The following GHRHR variants were observed in gnomAD, a reference collection of about 807,000 sequenced individuals.
The protein encoded by GHRHR is growth hormone releasing hormone receptor, also known as growth hormone-releasing hormone receptor.
Under a neutral mutation model 58.3 loss-of-function variants are expected in GHRHR, and 40 were observed. The ratio of observed to expected loss-of-function variants is 0.69; its 90% confidence interval spans 0.53 to 0.89. GHRHR has a LOEUF of 0.89. Ranked by LOEUF, GHRHR falls within the 40% of genes least tolerant of loss-of-function variation. The pLI is 0.00. For missense variants in GHRHR, 551 were observed against 541.3 expected, an observed-to-expected ratio of 1.02 and a Z score of -0.18; for synonymous variants, 249 against 216.6, an observed-to-expected ratio of 1.15 and a Z score of -1.31.
rs1480485095 is a variant in GHRHR, at chr7:30,977,286, C to T, written c.1110C>T (p.Phe370=). The T allele has an allele frequency of 6.2e-7, 1 of 1,614,084 alleles. No homozygotes were observed. ...LELGLGSFQG[F]IVAILYCFLN... ...TTTCTTCTTTGGACCCACAGGGCTT[C>T]ATTGTTGCCATCCTCTACTGCTTCC... Residue 370 remains phenylalanine (F), a synonymous_variant, in exon 12 of 13, where the codon TTC becomes TTT. Coordinates refer to ENST00000326139, the MANE Select transcript of GHRHR (RefSeq NM_000823.4).
chr7:30,976,167 C>A (rs572036013), intron 10 of GHRHR, among the ~76,000 whole-genome samples: 4 of 152,124 alleles, frequency 2.6e-5, no homozygotes, highest in African/African-American at 9.6e-5. Context: ...GGAAGACTTC[C>A]TGGAGGAAGT....
intron 10 of GHRHR, 56 bp from the exon 11 acceptor site, chr7:30,976,373 G>A (rs1703374345): frequency 1.3e-6 from 2 of 1,555,658 alleles, no homozygotes; most frequent in Non-Finnish European, 1.8e-6. Context: ...GAGATGAAGT[G>A]CACACGACAG....
intron 3 of GHRHR, 26 bp downstream of exon 3, chr7:30,969,196 G>C (rs1309259640): frequency 2.1e-6 from 3 of 1,411,120 alleles, no homozygotes; most frequent in Non-Finnish European, 2.0e-6. Flanking sequence ...TGTGGCGGTG[G>C]GAAAGGGAGG....
chr7:30,966,268 C>G (rs1562591841), intron 1 of GHRHR, among the ~76,000 whole-genome samples: 1 of 152,208 alleles, frequency 6.6e-6, no homozygotes, highest in Non-Finnish European at 1.5e-5. Context: ...AGTCTCTACT[C>G]TCTGACCCCA....
intron 5 of GHRHR, 108 bp from the exon 6 acceptor site, chr7:30,971,855 A>G: frequency 2.0e-6 from 2 of 984,154 alleles, no homozygotes; most frequent in Non-Finnish European, 3.3e-6. Flanking sequence ...GTTTGATTGC[A>G]TCCAGTTTGA....
chr7:30,969,486 C>G, intron 3 of GHRHR: 1 of 594,506 alleles, frequency 1.7e-6, no homozygotes, highest in Non-Finnish European at 3.0e-6. Context: ...GCCAAGACAC[C>G]ACCAACTGCC....
At chr7:30,974,841 G>T (rs1792545619) in intron 8 of GHRHR, 130 bp from the exon 9 acceptor site, 3 of 772,172 alleles carry the variant, frequency 3.9e-6, no homozygotes, top group Non-Finnish European at 7.1e-6. Flanking sequence ...ACCTTAACTG[G>T]CTGAGACAGG....
chr7:30,970,036 G>A (rs1792450955), intron 4 of GHRHR, 72 bp downstream of exon 4: 1 of 789,664 alleles, frequency 1.3e-6, no homozygotes, highest in Non-Finnish European at 2.3e-6. Context: ...CAACTGTAGG[G>A]GCCGCCATTC....
chr7:30,969,194 T>C (rs141243007), intron 3 of GHRHR, 24 bp downstream of exon 3: 1 of 1,433,464 alleles, frequency 7.0e-7, no homozygotes, highest in Non-Finnish European at 9.6e-7. Context: ...GGTGTGGCGG[T>C]GGGAAAGGGA....
chr7:30,966,636 C>CT (rs1392500774), intron 1 of GHRHR, among the ~76,000 whole-genome samples: 17 of 127,796 alleles, frequency 1.3e-4, no homozygotes, highest in African/African-American at 5.5e-4. Flanking sequence ...TGTCTTGCTT[C>CT]TTTTTGTTTT....
intron 7 of GHRHR, 36 bp downstream of exon 7, chr7:30,974,174 G>A (rs1253395993): frequency 2.5e-6 from 4 of 1,606,796 alleles, no homozygotes; most frequent in East Asian, 2.2e-5. Context: ...CCATGGGGAG[G>A]TAAAGGGCTG....
intron 1 of GHRHR, among the ~76,000 whole-genome samples, chr7:30,967,602 T>TATCCATCCATCCGTCCAA (rs3831723): frequency 0.55 from 83,325 of 151,652 alleles, 25,714 homozygotes; most frequent in African/African-American, 0.85. Context: ...GTCATCTGTC[T>TATCCATCCATCCGTCCAA]ATCCATCCAT....
chr7:30,972,943 G>A (rs1792505933), intron 6 of GHRHR, among the ~76,000 whole-genome samples: 1 of 152,192 alleles, frequency 6.6e-6, no homozygotes, highest in African/African-American at 2.4e-5. Context: ...TGAACAATGT[G>A]GGTTTAGTGG....
intron 11 of GHRHR, among the ~76,000 whole-genome samples, chr7:30,976,827 CCCAT>C (rs995948307): frequency 1.1e-4 from 16 of 151,574 alleles, no homozygotes; most frequent in Non-Finnish European, 1.8e-4. Flanking sequence ...CACCCACCAA[CCCAT>C]CCATCCATCC....
At chr7:30,965,768 C>CCA (rs1562591668) in intron 1 of GHRHR, among the ~76,000 whole-genome samples, 1 of 152,216 alleles carries the variant, frequency 6.6e-6, no homozygotes, top group African/African-American at 2.4e-5. Context: ...TAGGCAGAGA[C>CCA]CACAGCTCTT....
chr7:30,964,112 G>T lies in GHRHR; in HGVS notation c.44G>T (p.Ser15Ile). 6.5e-7 allele frequency: 1 copy of T among 1,549,404 alleles called. No homozygotes were observed. ...GGGGCCCACGTCTTCTGCGTGTTGA[G>T]CCCGTTACCGACCGTGAGTAGCCAG... ...MWGAHVFCVL[S>I]PLPTVLGHMH... Residue 15 changes from serine to isoleucine, a missense_variant, in exon 1 of 13, where the codon AGC becomes ATC. Ser to Ile is a moderately radical substitution (Grantham distance 142). Coordinates refer to ENST00000326139, the MANE Select transcript of GHRHR (RefSeq NM_000823.4).
At position 30,976,343 on chromosome 7, in the gene GHRHR, G is replaced by C; in HGVS notation, c.975-86G>C. 6 of 1,212,044 alleles carry C rather than the reference G, an allele frequency of 5.0e-6. No individual in the cohort carries two copies. In the South Asian group the frequency reaches 6.1e-5, roughly 12 times the overall value. The allele number at this position is 1,212,044 out of a possible 1,614,324, so 75.1% of individuals were successfully genotyped here. A position where few individuals can be genotyped will look rare whatever the true frequency, so the allele number is the denominator to read the frequency against. On this transcript the variant is annotated intron_variant, in intron 10 of 12. Transcript: ENST00000326139. ...GGCTGTTCCACAGAGTGGATATAGG[G>C]AGGTGGTAGGAAGTGAGAGGAGATG... is the stretch of plus-strand genomic sequence containing the variant.
chr7:30,976,572 C>T lies in GHRHR; in HGVS notation c.1104+14C>T. The T allele has an allele frequency of 6.2e-7, 1 of 1,611,282 alleles. No individual in the cohort carries two copies. The highest frequency in any genetic ancestry group is 8.5e-7 in the Non-Finnish European group (1 of 1,178,340). ...GGTTCCTTCCAGGTGAGGGCCCCCACAGGCACTCTTTCTTTCCATTGAGGG... is the reference window on the plus strand; with the variant it reads ...GGTTCCTTCCAGGTGAGGGCCCCCATAGGCACTCTTTCTTTCCATTGAGGG... On this transcript the variant is annotated intron_variant, in intron 11 of 12. Transcript: ENST00000326139.
In GHRHR at chr7:30,968,923, C is replaced by G. The variant is rs2128597186; in HGVS notation, c.147C>G (p.Pro49=). 6.2e-7 allele frequency: 1 copy of G among 1,611,628 alleles called. No homozygotes were observed. Among genetic ancestry groups the G allele is most frequent in the East Asian group, 2.2e-5 (1 of 44,830 alleles). Residue 49 remains proline, a synonymous_variant, in exon 2 of 13, where the codon CCC becomes CCG. Transcript: ENST00000326139. ...GTCTACAAGCAGCAGAGGAGATGCC[C>G]AACACCACCCTGGGTATGGGGCCTA... ...SACLQAAEEM[P]NTTLGCPATW... is the part of the protein sequence containing the mutation.
Sources: allele counts gnomAD v4.1 joint callset (sites outside exome capture counted in the v4.1 genomes callset), GRCh38; gene constraint gnomAD v4.1.1; transcripts MANE v1.5; gene names NCBI Gene and HGNC (gene_info 2026-07-23, HGNC 2026-07-21).